Variants in PEAK1 observed in about 807,000 individuals in gnomAD.
PEAK1 encodes the protein inactive tyrosine-protein kinase PEAK1.
A neutral mutation model predicts 124.7 loss-of-function variants in PEAK1; 54 were observed. That is an observed-to-expected ratio of 0.43 (90% confidence interval 0.35 to 0.54). The LOEUF is 0.54. Ranked by LOEUF, PEAK1 falls within the 20% of genes least tolerant of loss-of-function variation. PEAK1 has a pLI of 0.01. For synonymous variants in PEAK1, 719 were observed against 760.0 expected, an observed-to-expected ratio of 0.95 and a Z score of 0.89; for missense variants, 2,046 against 2,134.5, an observed-to-expected ratio of 0.96 and a Z score of 0.82.
At chr15:77,172,016 G>A (rs918853649) in intron 7 of PEAK1, among the ~76,000 whole-genome samples, 2 of 152,078 alleles carry the variant, frequency 1.3e-5, no homozygotes, top group African/African-American at 4.8e-5. Context: ...AGATTCATAA[G>A]CGGAAAAAGG....
chr15:77,382,806 A>C (rs1011472191), intron 1 of PEAK1, among the ~76,000 whole-genome samples: 1 of 152,188 alleles, frequency 6.6e-6, no homozygotes, highest in African/African-American at 2.4e-5. Flanking sequence ...AGGGGAATCC[A>C]AATGAAATTA....
intron 2 of PEAK1, among the ~76,000 whole-genome samples, chr15:77,355,338 A>T (rs565189299): frequency 6.6e-6 from 1 of 152,312 alleles, no homozygotes; most frequent in South Asian, 2.1e-4. Context: ...TATTATACAT[A>T]CTTATTATAA....
chr15:77,337,988 T>C, intron 2 of PEAK1: 1 of 984,310 alleles, frequency 1.0e-6, no homozygotes, highest in Non-Finnish European at 1.2e-6. Flanking sequence ...TTCTGGAACC[T>C]ATAATAAATT....
Position 77,178,993 on chromosome 15 carries a change from T to G in PEAK1, c.2934A>C (p.Lys978Asn). The G allele has an allele frequency of 6.2e-7, 1 of 1,614,126 alleles. No homozygotes were observed. The highest frequency in any genetic ancestry group is 8.5e-7 in the Non-Finnish European group (1 of 1,180,022). Residue 978 changes from lysine to asparagine, a missense_variant, in exon 7 of 10, where the codon AAA becomes AAC. Lys to Asn is a moderately conservative substitution (Grantham distance 94). Transcript: ENST00000682557. ...VQRHHWFTEAKGESSEKPAIV... is the reference protein window; with the variant it reads ...VQRHHWFTEANGESSEKPAIV... ...TGGCTGGTTTCTCACTGGACTCTCC[T>G]TTCGCCTCTGTGAACCAGTGATGGC...
At position 77,182,022 on chromosome 15, in the gene PEAK1, T is replaced by G; in HGVS notation, c.-96A>C. 6.8e-7 allele frequency: 1 copy of G among 1,480,220 alleles called. No individual in the cohort carries two copies. The highest frequency in any genetic ancestry group is 8.9e-7 in the Non-Finnish European group (1 of 1,122,220). The allele number at this position is 1,480,220 out of a possible 1,614,324, so 91.7% of individuals were successfully genotyped here. ...CACTTCCCCTATGTGTTACAGCAGCTCTTCTAAGAATGATCAATCTGTGGA... is the reference window on the plus strand; with the variant it reads ...CACTTCCCCTATGTGTTACAGCAGCGCTTCTAAGAATGATCAATCTGTGGA... On this transcript the variant is annotated 5_prime_UTR_variant, in exon 7 of 10. Transcript: ENST00000682557.
intron 6 of PEAK1, among the ~76,000 whole-genome samples, chr15:77,224,912 C>A (rs770771819): frequency 6.6e-6 from 1 of 151,878 alleles, no homozygotes; most frequent in African/African-American, 2.4e-5. Flanking sequence ...GCACCTTTCA[C>A]GTCTAGTTTG....
At chr15:77,243,230 A>G (rs1422164301) in intron 6 of PEAK1, among the ~76,000 whole-genome samples, 4 of 152,218 alleles carry the variant, frequency 2.6e-5, no homozygotes, top group Non-Finnish European at 4.4e-5. Flanking sequence ...AAGCAGGAGC[A>G]TATTTTACAT....
At chr15:77,101,469 TCAA>T (rs1199357054) in exon 7 of PEAK1, 1 of 152,232 alleles carries the variant, frequency 6.6e-6, no homozygotes, top group Non-Finnish European at 1.5e-5. Context: ...GCCTTTTTGA[TCAA>T]CAATATTTGA....
intron 7 of PEAK1, among the ~76,000 whole-genome samples, chr15:77,167,523 G>C (rs760450031): frequency 3.3e-5 from 5 of 152,204 alleles, no homozygotes; most frequent in Non-Finnish European, 7.3e-5. Flanking sequence ...GTCAGCAAAT[G>C]TAGATGTGAT....
intron 8 of PEAK1, among the ~76,000 whole-genome samples, chr15:77,153,013 T>C (rs1426387324): frequency 6.6e-6 from 1 of 152,180 alleles, no homozygotes; most frequent in Non-Finnish European, 1.5e-5. Flanking sequence ...TAAAATGAGT[T>C]AGGGAGGATT....
At chr15:77,107,625 G>A (rs2050769457), downstream of PEAK1, 1 of 152,250 alleles carries the variant, frequency 6.6e-6, no homozygotes. Context: ...AAGCCAGGAG[G>A]CCTCCTCTGC....
chr15:77,345,117 G>C (rs915472044), intron 2 of PEAK1, among the ~76,000 whole-genome samples: 1 of 152,190 alleles, frequency 6.6e-6, no homozygotes, highest in Admixed American at 6.5e-5. Flanking sequence ...CTTGTCCCTG[G>C]ATCTTAGAGC....
At chr15:77,136,137 G>T (rs2053304198) in intron 8 of PEAK1, among the ~76,000 whole-genome samples, 1 of 152,188 alleles carries the variant, frequency 6.6e-6, no homozygotes, top group Non-Finnish European at 1.5e-5. Context: ...GGCTGAGGTG[G>T]TCTCAGATGG....
intron 6 of PEAK1, chr15:77,239,869 C>G: frequency 2.0e-6 from 2 of 984,252 alleles, no homozygotes; most frequent in Non-Finnish European, 2.4e-6. Flanking sequence ...TTCCACATTT[C>G]CAAATTTGAG....
intron 1 of PEAK1, among the ~76,000 whole-genome samples, chr15:77,379,591 C>CA (rs2069310887): frequency 1.3e-5 from 2 of 152,154 alleles, no homozygotes; most frequent in African/African-American, 4.8e-5. Context: ...GGGTTTGCTG[C>CA]AAATATTCTA....
chr15:77,255,245 C>T, intron 5 of PEAK1: 1 of 551,366 alleles, frequency 1.8e-6, no homozygotes, highest in Non-Finnish European at 2.3e-6. Flanking sequence ...GATTTTAAAC[C>T]TATTAATTAT....
rs774346965 is a variant in PEAK1, at chr15:77,158,529, G to T, written c.3305C>A (p.Pro1102His). 1 of 1,614,134 alleles carries T rather than the reference G, an allele frequency of 6.2e-7. No individual in the cohort carries two copies. The highest frequency in any genetic ancestry group is 8.5e-7 in the Non-Finnish European group (1 of 1,179,964). The change falls in exon 8 of 10, where the codon CCT becomes CAT. Residue 1102 changes from proline (P) to histidine (H), a missense_variant. Physicochemically the swap from Pro to His is moderately conservative, Grantham distance 77. Transcript: ENST00000682557. ...EDISDPMDPNPCSATYSNLGQ... is the reference protein window; with the variant it reads ...EDISDPMDPNHCSATYSNLGQ... ...TAAGTTGCTGTATGTTGCACTACAA[G>T]GGTTCGGGTCCATAGGATCTGAAAT...
At chr15:77,380,669 G>A (rs2069402905) in intron 1 of PEAK1, among the ~76,000 whole-genome samples, 1 of 151,886 alleles carries the variant, frequency 6.6e-6, no homozygotes, top group Admixed American at 6.6e-5. Flanking sequence ...TGTAGAGATG[G>A]GGTTTCACTG....
chr15:77,322,508 C>G (rs1363172789), intron 2 of PEAK1, among the ~76,000 whole-genome samples: 1 of 152,166 alleles, frequency 6.6e-6, no homozygotes, highest in Non-Finnish European at 1.5e-5. Context: ...CACCTCTATG[C>G]AAATAAACTA....
Sources: gnomAD v4.1 joint callset for allele counts (sites outside exome capture counted in the v4.1 genomes callset) on GRCh38, gnomAD v4.1.1 for gene constraint, MANE v1.5 for transcripts, NCBI Gene and HGNC (gene_info 2026-07-23, HGNC 2026-07-21) for gene names.